CATSPERG: variants seen among roughly 807,000 people sequenced by gnomAD.
CATSPERG encodes cation channel sperm-associated auxiliary subunit gamma.
In CATSPERG, 115 loss-of-function variants were observed where a neutral mutation model predicts 145.0. That is an observed-to-expected ratio of 0.79 (90% confidence interval 0.68 to 0.93). CATSPERG has a LOEUF of 0.93. Ranked by LOEUF, CATSPERG falls within the 40% of genes least tolerant of loss-of-function variation. The pLI, the probability that CATSPERG is intolerant of heterozygous loss-of-function variation, is 0.00. For synonymous variants in CATSPERG, 588 were observed against 589.0 expected (o/e 1.00, Z 0.02); for missense variants, 1,296 against 1,490.1 (o/e 0.87, Z 2.14).
chr19:38,370,146 C>T lies in CATSPERG; in HGVS notation c.3114-13C>T. On this transcript the variant is annotated splice_polypyrimidine_tract_variant and intron_variant, in intron 27 of 28. Coordinates refer to ENST00000409235, the MANE Select transcript of CATSPERG (RefSeq NM_021185.5). ...TTCTCCTCTAATCCTGGATCCCCTC[C>T]CAACCCCTGCAGAGGAGTGGACACG... 6.2e-7 allele frequency: 1 copy of T among 1,613,880 alleles called. No individual in the cohort carries two copies. The highest frequency in any genetic ancestry group is 8.5e-7 in the Non-Finnish European group (1 of 1,179,908).
intron 6 of CATSPERG, 139 bp from the exon 7 acceptor site, chr19:38,346,311 G>GT: frequency 1.4e-6 from 1 of 707,966 alleles, no homozygotes; most frequent in Admixed American, 3.4e-5. Flanking sequence ...GGGGAGAATG[G>GT]TAAGGAATGA....
intron 6 of CATSPERG, among the ~76,000 whole-genome samples, chr19:38,345,534 C>T (rs1458037352): frequency 2.1e-5 from 3 of 144,394 alleles, no homozygotes; most frequent in Non-Finnish European, 3.0e-5. Context: ...GACAGAGTTT[C>T]GCTCTTGTTG....
intron 1 of CATSPERG, chr19:38,336,324 AG>A (rs1204215749): frequency 1.5e-5 from 6 of 390,966 alleles, no homozygotes; most frequent in Admixed American, 5.3e-5. Context: ...GAGAAGGGGC[AG>A]GGCGAGGAGG....
At chr19:38,337,679 A>AT in intron 3 of CATSPERG, 33 bp downstream of exon 3, 1 of 1,535,932 alleles carries the variant, frequency 6.5e-7, no homozygotes. Context: ...GGCTCATTCT[A>AT]TGAGCCTTGG....
In CATSPERG at chr19:38,338,958, G is replaced by C. The variant is rs191289077; in HGVS notation, c.324+1312G>C. Among the ~76,000 whole-genome samples the C allele has an allele frequency of 8.5e-5, 13 of 152,164 alleles. No homozygotes were observed. In the East Asian group the frequency reaches 2.5e-3, roughly 29 times the overall value. On this transcript the variant is annotated intron_variant, in intron 3 of 28. Transcript: ENST00000409235. ...ACCCAACACCAGGTCGGGGGGAGGG[G>C]GTGGCGACGAAGTCCGGCGGAGTCA...
chr19:38,340,313 CAG>C (rs1969915514), intron 3 of CATSPERG, among the ~76,000 whole-genome samples: 1 of 151,026 alleles, frequency 6.6e-6, no homozygotes, highest in Admixed American at 6.6e-5. Flanking sequence ...GCCAGTATCA[CAG>C]AGTCTTTTTT....
intron 1 of CATSPERG, chr19:38,336,121 A>G (rs1315540052): frequency 6.7e-6 from 3 of 449,206 alleles, no homozygotes; most frequent in Non-Finnish European, 1.3e-5. Context: ...GTCGGGGTAT[A>G]GAGCAGGCAG....
At chr19:38,361,916 G>T in intron 17 of CATSPERG, 55 bp downstream of exon 17, 1 of 1,506,954 alleles carries the variant, frequency 6.6e-7, no homozygotes, top group Non-Finnish European at 9.0e-7. Flanking sequence ...GCAGCCGGGA[G>T]CTGGCTTAGA....
At chr19:38,345,863 A>G (rs1452530220) in intron 6 of CATSPERG, among the ~76,000 whole-genome samples, 1 of 152,146 alleles carries the variant, frequency 6.6e-6, no homozygotes, top group East Asian at 1.9e-4. Context: ...TGATGCAGTC[A>G]CTCAGCAGGC....
intron 7 of CATSPERG, 132 bp from the exon 8 acceptor site, chr19:38,352,129 A>G: frequency 1.2e-6 from 1 of 852,118 alleles, no homozygotes. Context: ...CGGGGTGAGC[A>G]GGGAGAGCGC....
At chr19:38,354,273 AGGAAAGGCTGCACCATGG>A (rs772725446) in intron 8 of CATSPERG, among the ~76,000 whole-genome samples, 1 of 152,222 alleles carries the variant, frequency 6.6e-6, no homozygotes, top group Non-Finnish European at 1.5e-5. Flanking sequence ...TGTTGGTTTC[AGGAAAGGCTGCACCATGG>A]GGTCACTGTC....
At chr19:38,353,179 C>G (rs1970177506) in intron 8 of CATSPERG, among the ~76,000 whole-genome samples, 1 of 150,812 alleles carries the variant, frequency 6.6e-6, no homozygotes, top group Non-Finnish European at 1.5e-5. Flanking sequence ...GCTAAAAATA[C>G]AAAAATTAGC....
intron 8 of CATSPERG, among the ~76,000 whole-genome samples, chr19:38,352,992 C>G (rs1373689643): frequency 6.8e-6 from 1 of 146,102 alleles, no homozygotes; most frequent in Non-Finnish European, 1.5e-5. Flanking sequence ...CACACCACTG[C>G]ACTCCAGCCT....
chr19:38,346,229 C>G (rs977239620), intron 6 of CATSPERG, among the ~76,000 whole-genome samples: 1 of 152,128 alleles, frequency 6.6e-6, no homozygotes. Context: ...AACAGAGGCC[C>G]TGAGGTGGGC....
intron 1 of CATSPERG, 84 bp from the exon 2 acceptor site, chr19:38,337,137 A>C: frequency 1.4e-6 from 2 of 1,474,916 alleles, no homozygotes; most frequent in Non-Finnish European, 1.8e-6. Flanking sequence ...AAGTGCTGTG[A>C]GAGGCGCAGA....
chr19:38,348,180 A>T (rs2098856425), intron 7 of CATSPERG, among the ~76,000 whole-genome samples: 2 of 151,814 alleles, frequency 1.3e-5, no homozygotes, highest in Admixed American at 6.6e-5. Context: ...TTTTTAAGAG[A>T]CAGGCTTTTG....
intron 22 of CATSPERG, 101 bp from the exon 23 acceptor site, chr19:38,367,055 G>A: frequency 1.8e-6 from 2 of 1,081,926 alleles, no homozygotes; most frequent in Non-Finnish European, 2.6e-6. Context: ...GCAGCTGGTG[G>A]TGGTGTTTGT....
chr19:38,364,567 A>T (rs2145108058), intron 20 of CATSPERG, among the ~76,000 whole-genome samples: 1 of 152,348 alleles, frequency 6.6e-6, no homozygotes, highest in Middle Eastern at 3.4e-3. Flanking sequence ...AGGCCAAGGC[A>T]GGCGGCTGGG....
chr19:38,351,439 T>C (rs1230505131), intron 7 of CATSPERG, among the ~76,000 whole-genome samples: 1 of 151,874 alleles, frequency 6.6e-6, no homozygotes. Flanking sequence ...AAACCCTGTC[T>C]CTACTAAAAA....
Sources: allele counts gnomAD v4.1 joint callset (sites outside exome capture counted in the v4.1 genomes callset), GRCh38; gene constraint gnomAD v4.1.1; transcripts MANE v1.5; gene names NCBI Gene and HGNC (gene_info 2026-07-23, HGNC 2026-07-21).